FAM228B: variants seen among roughly 807,000 people sequenced by gnomAD.
FAM228B encodes the protein family with sequence similarity 228 member B, also known as protein FAM228B.
Under a neutral mutation model 42.6 loss-of-function variants are expected in FAM228B, and 38 were observed. The ratio of observed to expected loss-of-function variants is 0.89; its 90% CI spans 0.69 to 1.17. The LOEUF is 1.17. Among genes scored for constraint, FAM228B ranks in the 50% most tolerant of loss-of-function variants. FAM228B has a pLI of 0.00. For missense variants in FAM228B, 344 were observed against 367.3 expected (o/e 0.94, Z 0.52); for synonymous variants, 109 against 122.3 (o/e 0.89, Z 0.72).
chr2:24,122,392 C>T, upstream of FAM228B: 1 of 1,459,818 alleles, frequency 6.9e-7, no homozygotes, highest in Non-Finnish European at 9.6e-7. Flanking sequence ...TAAATCAAGT[C>T]TTAGGTCCAA....
At chr2:24,118,465 T>C (rs1040687283) in intron 3 of FAM228B, among the ~76,000 whole-genome samples, 4 of 152,212 alleles carry the variant, frequency 2.6e-5, no homozygotes, top group African/African-American at 9.7e-5. Flanking sequence ...CATGTACTAA[T>C]TGCCTACCCA....
intron 7 of FAM228B, among the ~76,000 whole-genome samples, chr2:24,159,333 A>G (rs1362493244): frequency 1.3e-5 from 2 of 152,260 alleles, no homozygotes; most frequent in Non-Finnish European, 2.9e-5. Flanking sequence ...AGCATTCACA[A>G]TCGAATAGAG....
chr2:24,134,988 A>G lies in FAM228B; in HGVS notation c.100-131A>G, dbSNP rs1666545788. The G allele has an allele frequency of 1.7e-5, 11 of 633,896 alleles. No individual in the cohort carries two copies. The Middle Eastern group carries it at 1.5e-3, about 86-fold the overall frequency. The allele number at this position is 633,896 out of a possible 1,614,324, so 39.3% of individuals were successfully genotyped here. A position where few individuals can be genotyped will look rare whatever the true frequency, so the allele number is the denominator to read the frequency against. On this transcript the variant is annotated intron_variant, in intron 2 of 10. Transcript: ENST00000615575. The stretch of plus-strand genomic sequence containing the variant: ...ACAAAAAAAAGCACTCGATGATATG[A>G]TTTGGAGGAAACAAACTGCATGCAT...
rs768541315 is a variant in FAM228B, at chr2:24,080,753, A to G, written c.-289-123A>G. On this transcript the variant is annotated intron_variant, in intron 1 of 10. Coordinates refer to the FAM228B transcript ENST00000613899. The surrounding 1 kb of genome is among the most constrained non-coding windows in gnomAD (Gnocchi z 4.7). ...CTGATACACAGCACTGGCAACTTTG[A>G]GACTGGTGGGGCTTTTATTTAATCA... 2 of 1,599,544 alleles carry G rather than the reference A, an allele frequency of 1.3e-6. No homozygotes were observed. Among genetic ancestry groups the G allele is most frequent in the Non-Finnish European group, 1.7e-6 (2 of 1,168,938 alleles).
At chr2:24,141,080 T>C (rs1374487146) in intron 5 of FAM228B, among the ~76,000 whole-genome samples, 1 of 151,874 alleles carries the variant, frequency 6.6e-6, no homozygotes, top group Admixed American at 6.6e-5. Flanking sequence ...ATAAAATAGA[T>C]ACCTTTTTTT....
chr2:24,079,652 A>C, intron 1 of FAM228B: 1 of 1,612,296 alleles, frequency 6.2e-7, no homozygotes, highest in Non-Finnish European at 8.5e-7. Flanking sequence ...TTCCATAGGA[A>C]ACAGATTTGT....
At chr2:24,129,927 A>G (rs535077606) in intron 2 of FAM228B, among the ~76,000 whole-genome samples, 2 of 151,554 alleles carry the variant, frequency 1.3e-5, no homozygotes. Flanking sequence ...TAAGCCCTGC[A>G]TGCATTAGCT....
intron 7 of FAM228B, among the ~76,000 whole-genome samples, chr2:24,159,828 A>AT (rs1667246883): frequency 6.6e-6 from 1 of 152,154 alleles, no homozygotes; most frequent in Admixed American, 6.5e-5. Context: ...TTTTAAAGAC[A>AT]TAATTCTCTT....
intron 3 of FAM228B, among the ~76,000 whole-genome samples, chr2:24,114,321 G>A (rs971372259): frequency 6.6e-6 from 1 of 152,140 alleles, no homozygotes; most frequent in Non-Finnish European, 1.5e-5. Flanking sequence ...TCCCTCTCCA[G>A]GTGCTAGGGT....
intron 2 of FAM228B, among the ~76,000 whole-genome samples, chr2:24,127,351 G>C (rs187234463): frequency 6.6e-6 from 1 of 152,302 alleles, no homozygotes. Flanking sequence ...TCAGTGGATG[G>C]ACTTTTGGGT....
chr2:24,158,209 T>TTTC (rs1667201208), intron 7 of FAM228B, among the ~76,000 whole-genome samples: 1 of 142,818 alleles, frequency 7.0e-6, no homozygotes, highest in South Asian at 2.3e-4. Context: ...TTTTTTTTTT[T>TTTC]TTTTCCAAAA....
chr2:24,156,169 A>T (rs528470424), intron 7 of FAM228B, among the ~76,000 whole-genome samples: 1 of 152,332 alleles, frequency 6.6e-6, no homozygotes, highest in East Asian at 1.9e-4. Flanking sequence ...CATAAGTCAA[A>T]TTCAACCTAT....
At chr2:24,111,864 A>G (rs1665801388) in intron 3 of FAM228B, among the ~76,000 whole-genome samples, 1 of 152,020 alleles carries the variant, frequency 6.6e-6, no homozygotes, top group Non-Finnish European at 1.5e-5. Context: ...CATCTGCCAA[A>G]AAAAACCCCT....
chr2:24,088,424 C>G (rs1665309943), intron 2 of FAM228B, among the ~76,000 whole-genome samples: 2 of 152,122 alleles, frequency 1.3e-5, no homozygotes, highest in South Asian at 4.1e-4. Context: ...GATCTCGGCT[C>G]ACTGCAATCT....
In FAM228B at chr2:24,084,360, ACAGGACAGGGCAGGGCAGGG is replaced by A. The variant is rs745536196; in HGVS notation, c.-210+3415_-210+3434del. ...AGGACACAGGGCAGGGCAGGGCAGG[ACAGGACAGGGCAGGGCAGGG>A]CAGGACAGGACAGGGCAGGGCAGGA... On this transcript the variant is annotated intron_variant, in intron 2 of 10. Coordinates refer to the FAM228B transcript ENST00000613899. This position sits in a 1 kb window ranked among gnomAD's most constrained non-coding sequence, Gnocchi z 8.4. The A allele has an allele frequency of 2.1e-5, 28 of 1,360,482 alleles. No homozygotes were observed. The highest frequency in any genetic ancestry group is 2.7e-5 in the Non-Finnish European group (27 of 998,928). The allele number at this position is 1,360,482 out of a possible 1,614,324, so 84.3% of individuals were successfully genotyped here. A position where few individuals can be genotyped will look rare whatever the true frequency, so the allele number is the denominator to read the frequency against.
At chr2:24,165,444 G>C (rs1232528658) in intron 9 of FAM228B, 1 of 471,148 alleles carries the variant, frequency 2.1e-6, no homozygotes, top group Middle Eastern at 3.3e-4. Flanking sequence ...AGGCTCTGCT[G>C]TCAGTCCCCT....
chr2:24,125,789 C>G (rs1252370382), intron 2 of FAM228B, among the ~76,000 whole-genome samples: 2 of 152,174 alleles, frequency 1.3e-5, no homozygotes, highest in Non-Finnish European at 2.9e-5. Flanking sequence ...TCTCAAACTC[C>G]TGACCTCAAG....
At chr2:24,158,543 G>A (rs1558394680) in intron 7 of FAM228B, among the ~76,000 whole-genome samples, 1 of 152,124 alleles carries the variant, frequency 6.6e-6, no homozygotes, top group African/African-American at 2.4e-5. Flanking sequence ...AGATGCTGGA[G>A]ATGGTGCTTT....
In FAM228B at chr2:24,156,770, TTCCGCCC is replaced by T. The variant is rs769110196; in HGVS notation, c.687-4735_687-4729del. On this transcript the variant is annotated intron_variant, in intron 7 of 10. Coordinates refer to ENST00000615575, the MANE Select transcript of FAM228B (RefSeq NM_001145710.2). Reference sequence around the variant, plus strand: ...GTACCAGACACTGTTATACATTTCTTTCCGCCCCCCCCCCCCCAGCTTTTTGTTTCAT... The same window carrying T: ...GTACCAGACACTGTTATACATTTCTTCCCCCCCCCCAGCTTTTTGTTTCAT... Among the ~76,000 whole-genome samples the T allele has an allele frequency of 5.3e-3, 159 of 30,110 alleles. 2 individuals are homozygous for T. The highest frequency in any genetic ancestry group is 9.6e-3 in the African/African-American group (143 of 14,926). 19.8% of individuals were successfully genotyped at this position (30,110 alleles called of 152,430 possible).
Sources: gnomAD v4.1 joint callset for allele counts (sites outside exome capture counted in the v4.1 genomes callset) on GRCh38, gnomAD v4.1.1 for gene constraint, Gnocchi (gnomAD v3.1) non-coding constraint, MANE v1.5 for transcripts, NCBI Gene and HGNC (gene_info 2026-07-23, HGNC 2026-07-21) for gene names.